Variants in PANK3 observed in about 807,000 individuals in gnomAD.
The protein encoded by PANK3 is hPanK3.
PANK3 carries 20 observed loss-of-function variants against 39.4 expected under a neutral mutation model. The observed-to-expected ratio is 0.51, with a 90% CI of 0.36 to 0.74. The LOEUF is 0.74. Among genes scored for constraint, PANK3 ranks in the 30% least tolerant of loss-of-function variants. The pLI, the probability that PANK3 is intolerant of heterozygous loss-of-function variation, is 0.00. For synonymous variants in PANK3, 140 were observed against 157.3 expected (o/e 0.89, Z 0.82); for missense variants, 265 against 437.0 (o/e 0.61, Z 3.51).
At chr5:168,557,663 A>C (rs1229583500) in intron 6 of PANK3, 42 bp from the exon 7 acceptor site, 1 of 1,514,940 alleles carries the variant, frequency 6.6e-7, no homozygotes, top group South Asian at 1.1e-5. Context: ...ACAGCTTTTA[A>C]GTTAGCATAT....
At chr5:168,571,722 A>G (rs1405525826) in intron 1 of PANK3, among the ~76,000 whole-genome samples, 1 of 152,224 alleles carries the variant, frequency 6.6e-6, no homozygotes, top group Non-Finnish European at 1.5e-5. Context: ...AGAAGTCTAT[A>G]CATTTCTCCA....
chr5:168,566,426 A>C (rs1055512601), intron 2 of PANK3, among the ~76,000 whole-genome samples, 160 bp from the exon 3 acceptor site: 12 of 152,164 alleles, frequency 7.9e-5, no homozygotes, highest in African/African-American at 2.9e-4. Flanking sequence ...CATCTAGTCC[A>C]CTGGTCCTCA....
intron 2 of PANK3, among the ~76,000 whole-genome samples, chr5:168,566,532 A>T (rs1759538231): frequency 6.6e-6 from 1 of 152,172 alleles, no homozygotes; most frequent in Non-Finnish European, 1.5e-5. Flanking sequence ...GTGATGCCAG[A>T]CATCTTTAAT....
intron 5 of PANK3, among the ~76,000 whole-genome samples, chr5:168,560,279 T>G (rs891162615): frequency 2.6e-5 from 4 of 152,202 alleles, no homozygotes; most frequent in East Asian, 1.9e-4. Context: ...TTCAGAGGAT[T>G]TGCATATTTG....
chr5:168,576,059 A>C (rs1010709992), intron 1 of PANK3, among the ~76,000 whole-genome samples: 1 of 152,170 alleles, frequency 6.6e-6, no homozygotes, highest in African/African-American at 2.4e-5. Flanking sequence ...TCATCTTCAG[A>C]CCCTCAGTAC....
intron 1 of PANK3, among the ~76,000 whole-genome samples, chr5:168,573,701 T>G (rs1310378309): frequency 8.9e-6 from 1 of 112,550 alleles, no homozygotes; most frequent in Admixed American, 1.3e-4. Flanking sequence ...CAGAGTGTGA[T>G]GTTCCCCTTC....
chr5:168,558,264 C>T (rs1295959242), intron 6 of PANK3, among the ~76,000 whole-genome samples: 2 of 151,478 alleles, frequency 1.3e-5, no homozygotes, highest in Non-Finnish European at 2.9e-5. Flanking sequence ...GGGTTCACAC[C>T]ATTCTCCTGC....
At position 168,571,682 on chromosome 5, in the gene PANK3, C is replaced by A. The variant is rs963115716; in HGVS notation, c.29-2684G>T. 2.6e-5 allele frequency among the ~76,000 whole-genome samples: 4 copies of A among 152,126 alleles called. No individual in the cohort carries two copies. The South Asian group carries it at 6.2e-4, about 24-fold the overall frequency. On this transcript the variant is annotated intron_variant, in intron 1 of 6. Transcript: ENST00000239231. Reference sequence around the variant, plus strand: ...TTTTATTTGATATGTGTGTGCATTACAAAACCAGGAACATATAATTCAATG... The same window carrying A: ...TTTTATTTGATATGTGTGTGCATTAAAAAACCAGGAACATATAATTCAATG...
intron 1 of PANK3, among the ~76,000 whole-genome samples, chr5:168,576,142 T>G (rs1274576192): frequency 6.6e-6 from 1 of 152,184 alleles, no homozygotes; most frequent in Non-Finnish European, 1.5e-5. Context: ...GGAGCTATAT[T>G]AGAAACTACT....
chr5:168,560,814 A>C (rs1466596703), intron 5 of PANK3: 3 of 259,546 alleles, frequency 1.2e-5, no homozygotes, highest in Non-Finnish European at 1.8e-5. Context: ...AATCCCAACT[A>C]TATGGTCAAT....
rs1270585300 is a variant in PANK3, at chr5:168,566,299, A to G, written c.382-33T>C. 6 of 1,554,404 alleles carry G rather than the reference A, an allele frequency of 3.9e-6. No individual in the cohort carries two copies. The African/African-American group carries it at 5.5e-5, about 14-fold the overall frequency. On this transcript the variant is annotated intron_variant, in intron 2 of 6. Transcript: ENST00000239231. ...AACAAACAAACAAAAACAAAAAAGG[A>G]TGACATTCAAAAACACTCAACTATA... is the stretch of plus-strand genomic sequence containing the variant.
At chr5:168,568,245 G>C (rs1182935205) in intron 2 of PANK3, among the ~76,000 whole-genome samples, 3 of 152,182 alleles carry the variant, frequency 2.0e-5, no homozygotes, top group Non-Finnish European at 4.4e-5. Context: ...CAGACTTAGG[G>C]TTTGGGAAGG....
At chr5:168,573,423 A>C in intron 1 of PANK3, among the ~76,000 whole-genome samples, 1 of 97,206 alleles carries the variant, frequency 1.0e-5, no homozygotes, top group Non-Finnish European at 2.1e-5. Flanking sequence ...AGGCAAAAAA[A>C]AAAAAAAAAA....
chr5:168,561,950 G>A (rs1759455270), intron 4 of PANK3, among the ~76,000 whole-genome samples: 1 of 152,164 alleles, frequency 6.6e-6, no homozygotes, highest in Non-Finnish European at 1.5e-5. Context: ...GTGCAGCACT[G>A]TCCAATAGAA....
chr5:168,561,376 G>T lies in PANK3; in HGVS notation c.936+17C>A. 1 of 1,561,398 alleles carries T rather than the reference G, an allele frequency of 6.4e-7. No homozygotes were observed. ...ACATTTTTGATAATTCAAGTTTTGT[G>T]TTTTTTGTTTTTTTACCTCATTAAC... On this transcript the variant is annotated intron_variant, in intron 5 of 6. Transcript: ENST00000239231.
chr5:168,564,664 T>A (rs1416932384), intron 3 of PANK3, among the ~76,000 whole-genome samples: 1 of 152,188 alleles, frequency 6.6e-6, no homozygotes, highest in Non-Finnish European at 1.5e-5. Flanking sequence ...TCTTAACTCC[T>A]GGTCTCAAGC....
chr5:168,564,093 T>A (rs767530370), intron 3 of PANK3, 28 bp from the exon 4 acceptor site: 5 of 1,558,490 alleles, frequency 3.2e-6, no homozygotes, highest in Non-Finnish European at 4.3e-6. Context: ...ACTTGCTAAG[T>A]TGCATTTATA....
rs1759232249 is a variant in PANK3 at position 168,548,831 on chromosome 5, T to C, written c.*8740A>G. 6.6e-6 allele frequency: 1 copy of C among 152,240 alleles called. No homozygotes were observed. Among genetic ancestry groups the C allele is most frequent in the Non-Finnish European group, 1.5e-5 (1 of 68,040 alleles). 9.4% of individuals were successfully genotyped at this position (152,240 alleles called of 1,614,324 possible). On this transcript the variant is annotated 3_prime_UTR_variant, in exon 7 of 7. Transcript: ENST00000239231. The stretch of plus-strand genomic sequence containing the variant: ...TACAATAGGCTATAACTTAGTTTAT[T>C]ATGAATAAAATTTATGGCACATCAT...
intron 4 of PANK3, 25 bp downstream of exon 4, chr5:168,563,864 T>C (rs1759483150): frequency 6.5e-6 from 10 of 1,547,896 alleles, no homozygotes; most frequent in Non-Finnish European, 7.8e-6. Flanking sequence ...TTCTGTAACT[T>C]AAATAACACA....
Sources: gnomAD v4.1 joint callset for allele counts (sites outside exome capture counted in the v4.1 genomes callset) on GRCh38, gnomAD v4.1.1 for gene constraint, MANE v1.5 for transcripts, NCBI Gene and HGNC (gene_info 2026-07-23, HGNC 2026-07-21) for gene names.